The following GRID2 variants were observed in gnomAD, a reference collection of about 807,000 sequenced individuals.
GRID2 encodes the protein glutamate ionotropic receptor delta type subunit 2.
GRID2 carries 33 observed loss-of-function variants against 114.8 expected under a neutral mutation model. The observed-to-expected ratio is 0.29, with a 90% confidence interval of 0.22 to 0.38. The LOEUF is 0.38. Among genes scored for constraint, GRID2 ranks in the 10% least tolerant of loss-of-function variants. The pLI, the probability that GRID2 is intolerant of heterozygous loss-of-function variation, is 1.00. For synonymous variants in GRID2, 505 were observed against 449.9 expected, an observed-to-expected ratio of 1.12 and a Z score of -1.55; for missense variants, 1,184 against 1,257.7, an observed-to-expected ratio of 0.94 and a Z score of 0.89.
chr4:92,319,117 G>A (rs1726170324), intron 1 of GRID2, among the ~76,000 whole-genome samples: 1 of 151,898 alleles, frequency 6.6e-6, no homozygotes, highest in African/African-American at 2.4e-5. Context: ...TCTCACTCTT[G>A]GATAAGAAAA....
chr4:92,800,604 A>T (rs955072731), intron 2 of GRID2, among the ~76,000 whole-genome samples: 1 of 152,008 alleles, frequency 6.6e-6, no homozygotes, highest in Non-Finnish European at 1.5e-5. Flanking sequence ...GCCAGTTGGA[A>T]CTGGCATCAT....
chr4:93,231,080 G>C (rs1468929128), intron 7 of GRID2, among the ~76,000 whole-genome samples: 1 of 151,996 alleles, frequency 6.6e-6, no homozygotes, highest in African/African-American at 2.4e-5. Flanking sequence ...TCAGCTCTTA[G>C]AGCTACAATT....
At chr4:92,444,180 C>G (rs981623057) in intron 1 of GRID2, among the ~76,000 whole-genome samples, 3 of 152,150 alleles carry the variant, frequency 2.0e-5, no homozygotes, top group Non-Finnish European at 4.4e-5. Flanking sequence ...GGAGGTCCCC[C>G]GATCCGAGTC....
intron 14 of GRID2, among the ~76,000 whole-genome samples, chr4:93,675,100 A>G (rs78657592): frequency 0.031 from 4,668 of 152,288 alleles, 110 homozygotes; most frequent in African/African-American, 0.062. Context: ...ATAAATTTAT[A>G]ATTAATTCAT....
chr4:93,134,097 A>G (rs1176892099), intron 4 of GRID2, among the ~76,000 whole-genome samples: 1 of 152,070 alleles, frequency 6.6e-6, no homozygotes, highest in Non-Finnish European at 1.5e-5. Context: ...GCCTTTCAAT[A>G]TATGTCATTG....
At chr4:92,925,134 G>A (rs1237715305) in intron 2 of GRID2, among the ~76,000 whole-genome samples, 3 of 152,092 alleles carry the variant, frequency 2.0e-5, no homozygotes, top group South Asian at 2.1e-4. Flanking sequence ...ATCAGCAGAA[G>A]TCATTCACAC....
chr4:92,532,024 C>G (rs1301739166), intron 1 of GRID2, among the ~76,000 whole-genome samples: 1 of 152,132 alleles, frequency 6.6e-6, no homozygotes. Context: ...TCTCTTTCTA[C>G]TTAACTTCCA....
chr4:92,826,216 A>G (rs1193709979), intron 2 of GRID2, among the ~76,000 whole-genome samples: 12 of 152,076 alleles, frequency 7.9e-5, no homozygotes, highest in Non-Finnish European at 1.8e-4. Context: ...ATTTAAACAG[A>G]CAAGGTATGC....
At chr4:92,913,821 A>T (rs1416535752) in intron 2 of GRID2, among the ~76,000 whole-genome samples, 2 of 152,036 alleles carry the variant, frequency 1.3e-5, no homozygotes, top group Non-Finnish European at 2.9e-5. Context: ...AAATAAAGTG[A>T]AACGACTCAA....
chr4:92,321,982 T>A (rs1726339544), intron 1 of GRID2, among the ~76,000 whole-genome samples: 1 of 152,122 alleles, frequency 6.6e-6, no homozygotes, highest in Admixed American at 6.6e-5. Flanking sequence ...AATATGGACT[T>A]ATGGACTATT....
chr4:93,146,589 T>C (rs1030884469), intron 4 of GRID2, among the ~76,000 whole-genome samples: 1 of 150,674 alleles, frequency 6.6e-6, no homozygotes, highest in Non-Finnish European at 1.5e-5. Context: ...TGCACTTGCA[T>C]GTGAAGAGAG....
intron 5 of GRID2, among the ~76,000 whole-genome samples, chr4:93,207,884 CAG>C (rs767577717): frequency 6.6e-6 from 1 of 151,924 alleles, no homozygotes; most frequent in African/African-American, 2.4e-5. Flanking sequence ...TGAATAAACA[CAG>C]AACAGATTTT....
At position 92,917,216 on chromosome 4, in the gene GRID2, T is replaced by C. The variant is rs527300839; in HGVS notation, c.245-167779T>C. Among the ~76,000 whole-genome samples, 10 of 152,336 alleles carry C rather than the reference T, an allele frequency of 6.6e-5. No individual in the cohort carries two copies. The East Asian group carries it at 1.9e-3, about 29-fold the overall frequency. Reference sequence around the variant, plus strand: ...ACGTGGTGATGGGGTTGTTTGTTTTTTTCTTGTAAATTTTTTTGAGTTCAT... The same window carrying C: ...ACGTGGTGATGGGGTTGTTTGTTTTCTTCTTGTAAATTTTTTTGAGTTCAT... On this transcript the variant is annotated intron_variant, in intron 2 of 15. Transcript: ENST00000282020.
chr4:92,917,383 T>G (rs1486215667), intron 2 of GRID2, among the ~76,000 whole-genome samples: 2 of 152,208 alleles, frequency 1.3e-5, no homozygotes, highest in Non-Finnish European at 2.9e-5. Context: ...CATTTGTCAA[T>G]TTTGGCTTTT....
At chr4:92,800,516 T>C (rs1740101536) in intron 2 of GRID2, among the ~76,000 whole-genome samples, 1 of 151,876 alleles carries the variant, frequency 6.6e-6, no homozygotes, top group Non-Finnish European at 1.5e-5. Flanking sequence ...GGCATATCAA[T>C]TGAAGGAGAG....
chr4:93,400,260 A>G (rs374024434), intron 9 of GRID2, among the ~76,000 whole-genome samples: 4 of 152,270 alleles, frequency 2.6e-5, no homozygotes, highest in African/African-American at 9.6e-5. Flanking sequence ...AAATTTCTTC[A>G]TATATAGATT....
intron 2 of GRID2, among the ~76,000 whole-genome samples, chr4:92,877,698 T>C (rs903277254): frequency 6.6e-5 from 10 of 152,174 alleles, no homozygotes; most frequent in African/African-American, 2.4e-4. Flanking sequence ...CATTAGTGTG[T>C]CCTGTCACTC....
chr4:92,672,714 C>T (rs1733136314), intron 2 of GRID2, among the ~76,000 whole-genome samples: 1 of 151,946 alleles, frequency 6.6e-6, no homozygotes, highest in African/African-American at 2.4e-5. Context: ...ATACATAATA[C>T]ATGTAAATAT....
At chr4:93,331,736 A>G (rs1758482901) in intron 8 of GRID2, among the ~76,000 whole-genome samples, 1 of 152,088 alleles carries the variant, frequency 6.6e-6, no homozygotes, top group African/African-American at 2.4e-5. Context: ...AGACTGGTAG[A>G]CTCTATCAAT....
Sources: gnomAD v4.1 joint callset for allele counts (sites outside exome capture counted in the v4.1 genomes callset) on GRCh38, gnomAD v4.1.1 for gene constraint, MANE v1.5 for transcripts, NCBI Gene and HGNC (gene_info 2026-07-23, HGNC 2026-07-21) for gene names.